Variants in KITLG observed in about 807,000 individuals in gnomAD.
KITLG encodes c-Kit ligand.
A neutral mutation model predicts 34.1 loss-of-function variants in KITLG; 13 were observed. The ratio of observed to expected loss-of-function variants is 0.38; its 90% confidence interval spans 0.25 to 0.61. The LOEUF (loss-of-function observed/expected upper bound fraction) is 0.61, where lower values mean the gene tolerates loss of function less well. Ranked by LOEUF, KITLG falls within the 20% of genes least tolerant of loss-of-function variation. KITLG has a pLI of 0.60. For missense variants in KITLG, 292 were observed against 318.9 expected, an observed-to-expected ratio of 0.92 and a Z score of 0.64; for synonymous variants, 110 against 104.0, an observed-to-expected ratio of 1.06 and a Z score of -0.35.
intron 9 of KITLG, among the ~76,000 whole-genome samples, chr12:88,502,228 G>A (rs1313347480): frequency 6.6e-6 from 1 of 152,032 alleles, no homozygotes; most frequent in Non-Finnish European, 1.5e-5. Flanking sequence ...GATAATTCTG[G>A]CTTCTTTAAC....
chr12:88,580,194 C>G, intron 1 of KITLG, 70 bp downstream of exon 1: 1 of 1,521,740 alleles, frequency 6.6e-7, no homozygotes, highest in Non-Finnish European at 9.0e-7. Flanking sequence ...CAGGGAGCGC[C>G]GGCTTCCCCG....
chr12:88,492,910 A>G lies in KITLG; in HGVS notation c.*4309T>C, dbSNP rs1160939123. 1 of 152,422 alleles carries G rather than the reference A, an allele frequency of 6.6e-6. No individual in the cohort carries two copies. The highest frequency in any genetic ancestry group is 6.6e-5 in the Admixed American group (1 of 15,198). The allele number at this position is 152,422 out of a possible 1,614,324, so 9.4% of individuals were successfully genotyped here. A position where few individuals can be genotyped will look rare whatever the true frequency, so the allele number is the denominator to read the frequency against. ...CATACACCTATTTTAAAAAGTACAC[A>G]TACAGTATATACACATACACATCAC... is the stretch of plus-strand genomic sequence containing the variant. On this transcript the variant is annotated 3_prime_UTR_variant, in exon 10 of 10. Transcript: ENST00000644744.
intron 1 of KITLG, among the ~76,000 whole-genome samples, chr12:88,553,654 C>A (rs887980091): frequency 6.6e-6 from 1 of 152,038 alleles, no homozygotes; most frequent in Non-Finnish European, 1.5e-5. Flanking sequence ...CCCGTTTATT[C>A]CCCCACAACA....
chr12:88,539,599 T>A (rs1322105656), intron 2 of KITLG, among the ~76,000 whole-genome samples: 3 of 152,142 alleles, frequency 2.0e-5, no homozygotes, highest in Non-Finnish European at 4.4e-5. Flanking sequence ...GTAACTGGAC[T>A]TTTTTAAAAT....
At chr12:88,575,274 C>G (rs887429594) in intron 1 of KITLG, among the ~76,000 whole-genome samples, 2 of 152,126 alleles carry the variant, frequency 1.3e-5, no homozygotes, top group Non-Finnish European at 2.9e-5. Context: ...CTCCTAATAT[C>G]CAAGCCAAAG....
intron 1 of KITLG, among the ~76,000 whole-genome samples, chr12:88,567,280 G>A (rs1871475067): frequency 6.6e-6 from 1 of 152,122 alleles, no homozygotes; most frequent in African/African-American, 2.4e-5. Flanking sequence ...ATTAATCACT[G>A]TGGTATCCAC....
At chr12:88,513,381 G>C (rs529528477) in intron 6 of KITLG, among the ~76,000 whole-genome samples, 1 of 151,260 alleles carries the variant, frequency 6.6e-6, no homozygotes, top group East Asian at 1.9e-4. Flanking sequence ...TACACAAATG[G>C]GACAGATAAA....
intron 2 of KITLG, among the ~76,000 whole-genome samples, chr12:88,534,368 TTGC>T (rs1870223787): frequency 6.6e-6 from 1 of 152,092 alleles, no homozygotes; most frequent in South Asian, 2.1e-4. Flanking sequence ...ATTAGAATCA[TTGC>T]TGCTTTTTTT....
chr12:88,557,845 T>C (rs1053471792), intron 1 of KITLG, among the ~76,000 whole-genome samples: 2 of 152,078 alleles, frequency 1.3e-5, no homozygotes, highest in Non-Finnish European at 2.9e-5. Context: ...GCTCTTAAAA[T>C]TGAACTACCC....
intron 2 of KITLG, among the ~76,000 whole-genome samples, chr12:88,544,684 T>G (rs531930682): frequency 2.9e-4 from 44 of 152,240 alleles, no homozygotes; most frequent in African/African-American, 1.1e-3. Flanking sequence ...CTCTGGGTCC[T>G]AAGGAATTTG....
At chr12:88,510,371 T>G (rs958257767) in intron 6 of KITLG, among the ~76,000 whole-genome samples, 9 of 152,178 alleles carry the variant, frequency 5.9e-5, no homozygotes, top group Non-Finnish European at 2.9e-5. Context: ...TGATGAACTC[T>G]TATAAGACAT....
intron 3 of KITLG, among the ~76,000 whole-genome samples, chr12:88,531,077 G>A (rs1281522567): frequency 6.6e-6 from 1 of 152,172 alleles, no homozygotes. Flanking sequence ...TAGTTGAAAT[G>A]AGTCAACATA....
intron 3 of KITLG, among the ~76,000 whole-genome samples, chr12:88,525,352 C>CTAA (rs1212990332): frequency 1.3e-5 from 2 of 152,076 alleles, no homozygotes; most frequent in Admixed American, 1.3e-4. Flanking sequence ...GGAATCTAAA[C>CTAA]TAATAAGATG....
intron 9 of KITLG, among the ~76,000 whole-genome samples, chr12:88,498,331 A>G (rs1357432261): frequency 3.9e-5 from 6 of 152,158 alleles, no homozygotes; most frequent in Non-Finnish European, 7.3e-5. Flanking sequence ...CTCTAAATGT[A>G]ATATATTAAA....
At chr12:88,537,370 A>G (rs1198328305) in intron 2 of KITLG, among the ~76,000 whole-genome samples, 2 of 152,142 alleles carry the variant, frequency 1.3e-5, no homozygotes, top group African/African-American at 4.8e-5. Context: ...GTGAATTAAC[A>G]CAGGAACAGA....
At chr12:88,571,876 T>C (rs1025301482) in intron 1 of KITLG, among the ~76,000 whole-genome samples, 5 of 152,170 alleles carry the variant, frequency 3.3e-5, no homozygotes, top group African/African-American at 1.2e-4. Context: ...GAGTCTCTTT[T>C]GCAATAAACA....
intron 1 of KITLG, among the ~76,000 whole-genome samples, chr12:88,567,678 G>A (rs983146054): frequency 3.3e-5 from 5 of 152,050 alleles, no homozygotes; most frequent in African/African-American, 7.2e-5. Flanking sequence ...AACAACAAAC[G>A]AACAACCTTT....
Position 88,503,320 on chromosome 12 carries a change from G to A in KITLG, c.*37+1839C>T, listed in dbSNP as rs545586635. Among the ~76,000 whole-genome samples, 3 of 152,304 alleles carry A rather than the reference G, an allele frequency of 2.0e-5. No homozygotes were observed. The South Asian group carries it at 6.2e-4, about 32-fold the overall frequency. Reference sequence around the variant, plus strand: ...ACTCAGTTCCACTGAAGAAGATTAAGTCTAGAGACAAATCTCTGAACCTGG... The same window carrying A: ...ACTCAGTTCCACTGAAGAAGATTAAATCTAGAGACAAATCTCTGAACCTGG... On this transcript the variant is annotated intron_variant, in intron 9 of 9. Transcript: ENST00000644744.
At chr12:88,520,299 A>C (rs576946460) in intron 3 of KITLG, among the ~76,000 whole-genome samples, 3 of 152,346 alleles carry the variant, frequency 2.0e-5, no homozygotes, top group African/African-American at 7.2e-5. Context: ...CAAAGCTGTC[A>C]GTCTTTCCTT....
Sources: gnomAD v4.1 joint callset for allele counts (sites outside exome capture counted in the v4.1 genomes callset) on GRCh38, gnomAD v4.1.1 for gene constraint, MANE v1.5 for transcripts, NCBI Gene and HGNC (gene_info 2026-07-23, HGNC 2026-07-21) for gene names.